The following LRP6 variants were observed in gnomAD, a reference collection of about 807,000 sequenced individuals.
LRP6 encodes low-density lipoprotein receptor-related protein 6.
Under a neutral mutation model 184.1 loss-of-function variants are expected in LRP6, and 43 were observed. That is an observed-to-expected ratio of 0.23 (90% CI 0.18 to 0.30). The LOEUF (loss-of-function observed/expected upper bound fraction) is 0.30, where lower values mean the gene tolerates loss of function less well. LRP6 is among the 10% of genes least tolerant of loss of function. LRP6 has a pLI of 1.00. For missense variants in LRP6, 1,571 were observed against 2,005.3 expected (o/e 0.78, Z 4.14); for synonymous variants, 719 against 684.9 (o/e 1.05, Z -0.78).
intron 1 of LRP6, among the ~76,000 whole-genome samples, chr12:12,266,107 G>C (rs1865750565): frequency 6.6e-6 from 1 of 152,060 alleles, no homozygotes; most frequent in Non-Finnish European, 1.5e-5. Flanking sequence ...TGAAACGCTC[G>C]ACCTATAACC....
chr12:12,145,616 T>C (rs1949994583), intron 15 of LRP6, among the ~76,000 whole-genome samples: 1 of 104,150 alleles, frequency 9.6e-6, no homozygotes, highest in African/African-American at 3.5e-5. Context: ...CATTTCTTTT[T>C]TCTTTTTCTT....
intron 7 of LRP6, among the ~76,000 whole-genome samples, chr12:12,179,009 A>T (rs1464100131): frequency 6.6e-6 from 1 of 152,144 alleles, no homozygotes; most frequent in Non-Finnish European, 1.5e-5. Context: ...CTTGTATGTG[A>T]AGTTTCCCCC....
chr12:12,129,640 C>T (rs1027911230), intron 19 of LRP6, among the ~76,000 whole-genome samples: 1 of 152,086 alleles, frequency 6.6e-6, no homozygotes, highest in African/African-American at 2.4e-5. Flanking sequence ...GCAACCTCCA[C>T]CTCCCGGGTT....
intron 2 of LRP6, among the ~76,000 whole-genome samples, chr12:12,226,210 C>T (rs1308689163): frequency 2.0e-5 from 3 of 152,074 alleles, no homozygotes; most frequent in Non-Finnish European, 2.9e-5. Context: ...TTTTCTCTCC[C>T]CACAGCTTAC....
intron 3 of LRP6, among the ~76,000 whole-genome samples, chr12:12,192,352 G>A (rs1342556120): frequency 6.8e-6 from 1 of 147,012 alleles, no homozygotes; most frequent in Admixed American, 6.8e-5. Context: ...TAATACAAAG[G>A]ACAAAGGAAC....
At chr12:12,170,105 C>A (rs1030122140) in intron 7 of LRP6, among the ~76,000 whole-genome samples, 1 of 152,116 alleles carries the variant, frequency 6.6e-6, no homozygotes, top group Non-Finnish European at 1.5e-5. Flanking sequence ...GAGTCCAAGG[C>A]GGGTGGATCA....
intron 1 of LRP6, 56 bp from the exon 2 acceptor site, chr12:12,244,711 T>A: frequency 3.2e-6 from 5 of 1,569,536 alleles, no homozygotes; most frequent in Non-Finnish European, 4.3e-6. Flanking sequence ...TATTGGTTCT[T>A]ATAAACTGCG....
In LRP6 at chr12:12,147,533, T is replaced by C. The variant is rs1385084639; in HGVS notation, c.3230A>G (p.Gln1077Arg). 1 of 1,613,926 alleles carries C rather than the reference T, an allele frequency of 6.2e-7. No individual in the cohort carries two copies. The highest frequency in any genetic ancestry group is 1.1e-5 in the South Asian group (1 of 91,068). Residue 1077 changes from glutamine (Q) to arginine (R), a missense_variant, in exon 15 of 23, where the codon CAG becomes CGG. Around this residue, in one of 4 missense-constraint regions of LRP6, gnomAD observed 763 missense variants for 859.5 expected, o/e 0.89. Coordinates refer to ENST00000261349, the MANE Select transcript of LRP6 (RefSeq NM_002336.3). ...EKGYMYFTNLQERSPKIERAA... is the reference protein window; with the variant it reads ...EKGYMYFTNLRERSPKIERAA... Reference sequence around the variant, plus strand: ...CCGTTCAATTTTAGGAGACCTTTCCTGAAGATTGGTAAAATACATATACCT... The same window carrying C: ...CCGTTCAATTTTAGGAGACCTTTCCCGAAGATTGGTAAAATACATATACCT...
At chr12:12,195,967 T>C (rs569751844) in intron 3 of LRP6, among the ~76,000 whole-genome samples, 3 of 152,282 alleles carry the variant, frequency 2.0e-5, no homozygotes, top group Admixed American at 1.3e-4. Flanking sequence ...CAATCTATGT[T>C]CTTGGCACTT....
rs181247896 is a variant in LRP6 at position 12,246,134 on chromosome 12, T to C, written c.56-1479A>G. 2.3e-3 allele frequency among the ~76,000 whole-genome samples: 348 copies of C among 151,430 alleles called. 1 individual carries two copies. The highest frequency in any genetic ancestry group is 8.2e-3 in the African/African-American group (337 of 41,292). ...TCTCCTGCCTCAGCCTCCTGAGTAG[T>C]TGGGATTACAGGTGCCCACCACTAT... On this transcript the variant is annotated intron_variant, in intron 1 of 22. Coordinates refer to ENST00000261349, the MANE Select transcript of LRP6 (RefSeq NM_002336.3).
At chr12:12,263,229 C>T (rs2135949483) in intron 1 of LRP6, among the ~76,000 whole-genome samples, 1 of 149,376 alleles carries the variant, frequency 6.7e-6, no homozygotes, top group East Asian at 2.0e-4. Context: ...CATGCCATTG[C>T]ACTCTAGCCT....
rs188076657 is a variant in LRP6 at position 12,258,853 on chromosome 12, T to A, written c.55+7828A>T. Among the ~76,000 whole-genome samples the A allele has an allele frequency of 3.6e-3, 549 of 152,162 alleles. 5 individuals carry two copies. The highest frequency in any genetic ancestry group is 0.013 in the African/African-American group (524 of 41,512). On this transcript the variant is annotated intron_variant, in intron 1 of 22. Transcript: ENST00000261349. ...TGCAGTCCTTTACTTGTAGTTTGGG[T>A]CTTGTAGTGATAAAACAATGACTAA...
rs1368290147 is a variant in LRP6, at chr12:12,131,878, G to A, written c.3913C>T (p.Leu1305Phe). The change falls in exon 18 of 23, where the codon CTC becomes TTC. Residue 1305 changes from leucine to phenylalanine, a missense_variant. Coordinates refer to ENST00000261349, the MANE Select transcript of LRP6 (RefSeq NM_002336.3). ...CAGTTTGCATCTCCATTGCATCGGA[G>A]GGCACCATCAATACACTGCCCACTG... The part of the protein sequence containing the change: ...CASGQCIDGA[L>F]RCNGDANCQD... 1.2e-6 allele frequency: 2 copies of A among 1,614,084 alleles called. No homozygotes were observed. The highest frequency in any genetic ancestry group is 1.3e-5 in the African/African-American group (1 of 74,940).
At chr12:12,249,377 A>T in intron 1 of LRP6, 1 of 1,003,908 alleles carries the variant, frequency 1.0e-6, no homozygotes. Context: ...AATGGTGTCT[A>T]AAGAAAATAT....
chr12:12,231,439 A>G (rs1479931686), intron 2 of LRP6, among the ~76,000 whole-genome samples: 2 of 152,154 alleles, frequency 1.3e-5, no homozygotes, highest in Non-Finnish European at 2.9e-5. Context: ...GGCTCTGAAA[A>G]GGTAGGAAAG....
chr12:12,266,576 T>G, intron 1 of LRP6, 105 bp downstream of exon 1: 3 of 716,254 alleles, frequency 4.2e-6, no homozygotes, highest in Non-Finnish European at 6.8e-6. Context: ...TCCCCGCTCC[T>G]CTCCCCTTCT....
intron 3 of LRP6, among the ~76,000 whole-genome samples, chr12:12,194,540 AG>A (rs1408770321): frequency 1.3e-5 from 2 of 152,146 alleles, no homozygotes; most frequent in African/African-American, 4.8e-5. Context: ...ACAGAAAAAT[AG>A]TTTAGTCTTA....
At chr12:12,266,395 TC>T (rs1446068678) in intron 1 of LRP6, among the ~76,000 whole-genome samples, 1 of 152,102 alleles carries the variant, frequency 6.6e-6, no homozygotes, top group Non-Finnish European at 1.5e-5. Flanking sequence ...CACTCAGTCA[TC>T]CCGACAGCAT....
In LRP6 at chr12:12,150,877, G is replaced by T. The variant is rs745688776; in HGVS notation, c.2953C>A (p.Arg985=). 6.2e-7 allele frequency: 1 copy of T among 1,614,046 alleles called. No individual in the cohort carries two copies. The highest frequency in any genetic ancestry group is 1.7e-5 in the Admixed American group (1 of 60,012). ...LDKQLYWIDS[R]QNMIRKAQED... ...TGTGCCTTTCGGATCATGTTTTGTC[G>T]TGAGTCAATCCAATAGAGTTGCTTG... The change falls in exon 13 of 23, where the codon CGA becomes AGA. Residue 985 remains arginine (R), a synonymous_variant. Coordinates refer to ENST00000261349, the MANE Select transcript of LRP6 (RefSeq NM_002336.3).
Sources: allele counts gnomAD v4.1 joint callset (sites outside exome capture counted in the v4.1 genomes callset), GRCh38; gene constraint gnomAD v4.1.1; regional missense constraint gnomAD v4.1.1; transcripts MANE v1.5; gene names NCBI Gene and HGNC (gene_info 2026-07-23, HGNC 2026-07-21).